The following PPP2R2B variants were observed in gnomAD, a reference collection of about 807,000 sequenced individuals.
The protein encoded by PPP2R2B is protein phosphatase 2 regulatory subunit Bbeta.
In PPP2R2B, 5 loss-of-function variants were observed where a neutral mutation model predicts 46.0. The observed-to-expected ratio is 0.11, with a 90% confidence interval of 0.06 to 0.23. PPP2R2B has a LOEUF of 0.23. PPP2R2B is among the 10% of genes least tolerant of loss of function. The pLI is 1.00. For synonymous variants in PPP2R2B, 215 were observed against 206.7 expected, an observed-to-expected ratio of 1.04 and a Z score of -0.34; for missense variants, 367 against 575.0, an observed-to-expected ratio of 0.64 and a Z score of 3.70.
intron 1 of PPP2R2B, among the ~76,000 whole-genome samples, chr5:146,935,368 C>T (rs1313623013): frequency 6.6e-6 from 1 of 152,180 alleles, no homozygotes; most frequent in Non-Finnish European, 1.5e-5. Flanking sequence ...TTGGACTTTC[C>T]AGCTTCCAGA....
At chr5:146,748,976 G>C (rs1561876751) in intron 2 of PPP2R2B, among the ~76,000 whole-genome samples, 1 of 152,160 alleles carries the variant, frequency 6.6e-6, no homozygotes, top group African/African-American at 2.4e-5. Context: ...AAATTGCCAA[G>C]TTGTTTTCCA....
chr5:146,959,782 G>C (rs1191669021), intron 1 of PPP2R2B, among the ~76,000 whole-genome samples: 2 of 152,080 alleles, frequency 1.3e-5, no homozygotes, highest in Non-Finnish European at 2.9e-5. Context: ...GCTGATGATG[G>C]GTCTGTGCAA....
Position 146,691,147 on chromosome 5 carries a change from G to T in PPP2R2B, c.428C>A (p.Ala143Asp), listed in dbSNP as rs1158087759. Residue 143 changes from alanine to aspartate, a missense_variant, in exon 5 of 10, where the codon GCC becomes GAC. Transcript: ENST00000394411. ...ACTCACCCGCAGGGTTGTGATGGTG[G>T]CAGGATCCCGGAGCCGGCCCTCCTC... ...KDEEGRLRDP[A>D]TITTLRVPVL... 1.1e-5 allele frequency: 17 copies of T among 1,613,932 alleles called. No individual in the cohort carries two copies. Among genetic ancestry groups the T allele is most frequent in the Non-Finnish European group, 1.4e-5 (17 of 1,180,008 alleles).
intron 1 of PPP2R2B, among the ~76,000 whole-genome samples, chr5:146,925,717 T>A (rs772633325): frequency 5.2e-4 from 79 of 152,172 alleles, no homozygotes; most frequent in Non-Finnish European, 9.7e-4. Flanking sequence ...CCATTATTTT[T>A]TCAAATAGGT....
intron 2 of PPP2R2B, among the ~76,000 whole-genome samples, chr5:146,720,484 A>G (rs1317519859): frequency 6.6e-6 from 1 of 152,132 alleles, no homozygotes; most frequent in Non-Finnish European, 1.5e-5. Context: ...GGTTAATCTA[A>G]AATATATCAT....
intron 1 of PPP2R2B, among the ~76,000 whole-genome samples, chr5:146,887,195 C>A (rs139882640): frequency 2.4e-4 from 36 of 152,064 alleles, no homozygotes; most frequent in African/African-American, 8.0e-4. Context: ...TATCTAAATT[C>A]TTTTCTTATA....
At chr5:146,740,999 C>T (rs542131753) in intron 2 of PPP2R2B, among the ~76,000 whole-genome samples, 17 of 150,066 alleles carry the variant, frequency 1.1e-4, no homozygotes, top group East Asian at 3.9e-4. Context: ...ATCGTGCCAC[C>T]GCACTCTAGC....
intron 2 of PPP2R2B, among the ~76,000 whole-genome samples, chr5:147,080,828 C>G (rs927338598): frequency 1.2e-4 from 18 of 152,010 alleles, no homozygotes; most frequent in African/African-American, 3.9e-4. Context: ...CTCTGCAAAT[C>G]TACTTTACTG....
chr5:147,022,714 G>C (rs559789965), intron 1 of PPP2R2B, among the ~76,000 whole-genome samples: 1 of 151,924 alleles, frequency 6.6e-6, no homozygotes, highest in South Asian at 2.1e-4. Context: ...AAAAATAGGG[G>C]AAAAAAGTCC....
chr5:146,791,513 A>G (rs1423661864), intron 2 of PPP2R2B, among the ~76,000 whole-genome samples: 1 of 152,120 alleles, frequency 6.6e-6, no homozygotes, highest in Non-Finnish European at 1.5e-5. Flanking sequence ...ATTAAAAAAA[A>G]ATCCAACTTG....
intron 2 of PPP2R2B, among the ~76,000 whole-genome samples, chr5:146,783,114 TA>T (rs1489563295): frequency 6.6e-6 from 1 of 152,180 alleles, no homozygotes; most frequent in Non-Finnish European, 1.5e-5. Context: ...AAGGATAGGT[TA>T]AACAAATTAA....
At chr5:146,926,077 G>T (rs987324363) in intron 1 of PPP2R2B, among the ~76,000 whole-genome samples, 1 of 151,992 alleles carries the variant, frequency 6.6e-6, no homozygotes, top group African/African-American at 2.4e-5. Context: ...GCTTGCTTTA[G>T]TTCTTTGGAA....
rs752717595 is a variant in PPP2R2B at position 146,701,093 on chromosome 5, C to T, written c.120G>A (p.Ala40=). 2.9e-5 allele frequency: 47 copies of T among 1,613,914 alleles called. No individual in the cohort carries two copies. Among genetic ancestry groups the T allele is most frequent in the African/African-American group, 9.3e-5 (7 of 74,890 alleles). Residue 40 remains alanine (A), a synonymous_variant, in exon 3 of 10, where the codon GCG becomes GCA. Transcript: ENST00000394411. ...CAACCCGACCCCCCTTGTCCCCTGTCGCTAGTAATTCTCCCGTGTGGTTGA... is the reference window on the plus strand; with the variant it reads ...CAACCCGACCCCCCTTGTCCCCTGTTGCTAGTAATTCTCCCGTGTGGTTGA... ...VEFNHTGELL[A]TGDKGGRVVI... is the part of the protein sequence containing the mutation.
intron 2 of PPP2R2B, among the ~76,000 whole-genome samples, chr5:146,792,471 G>T (rs145629654): frequency 6.6e-6 from 1 of 152,100 alleles, no homozygotes; most frequent in Non-Finnish European, 1.5e-5. Context: ...AAACAAACAA[G>T]TGTCCTTTTG....
intron 1 of PPP2R2B, among the ~76,000 whole-genome samples, chr5:147,035,551 A>C (rs1262752399): frequency 6.6e-6 from 1 of 152,180 alleles, no homozygotes; most frequent in African/African-American, 2.4e-5. Flanking sequence ...GGGTTCAGGA[A>C]AATCAGAAAG....
chr5:146,654,425 T>C (rs1490452479), intron 5 of PPP2R2B, among the ~76,000 whole-genome samples: 2 of 152,216 alleles, frequency 1.3e-5, no homozygotes, highest in Non-Finnish European at 2.9e-5. Flanking sequence ...TGTTTGCAAG[T>C]CAAAAATTGT....
At chr5:146,808,909 A>G in intron 2 of PPP2R2B, among the ~76,000 whole-genome samples, 1 of 151,730 alleles carries the variant, frequency 6.6e-6, no homozygotes, top group East Asian at 1.9e-4. Flanking sequence ...TTTTATTATT[A>G]CCTTGTAAAT....
chr5:146,850,133 T>A (rs1438616254), intron 2 of PPP2R2B, among the ~76,000 whole-genome samples: 1 of 152,160 alleles, frequency 6.6e-6, no homozygotes, highest in Non-Finnish European at 1.5e-5. Flanking sequence ...ACAGAGGAAT[T>A]TGAAGAGGTC....
chr5:146,597,633 A>C (rs1771311344), intron 8 of PPP2R2B, among the ~76,000 whole-genome samples: 2 of 152,290 alleles, frequency 1.3e-5, no homozygotes, highest in South Asian at 2.1e-4. Context: ...ATAAAATCAT[A>C]CAGGTTAATT....
Sources: gnomAD v4.1 joint callset for allele counts (sites outside exome capture counted in the v4.1 genomes callset) on GRCh38, gnomAD v4.1.1 for gene constraint, MANE v1.5 for transcripts, NCBI Gene and HGNC (gene_info 2026-07-23, HGNC 2026-07-21) for gene names.